The following SCFD2 variants were observed in gnomAD, a reference collection of about 807,000 sequenced individuals.
SCFD2 encodes the protein sec1 family domain containing 2.
Under a neutral mutation model 58.9 loss-of-function variants are expected in SCFD2, and 54 were observed. The ratio of observed to expected loss-of-function variants is 0.92; its 90% CI spans 0.74 to 1.15. The LOEUF (loss-of-function observed/expected upper bound fraction) is 1.15, where lower values mean the gene tolerates loss of function less well. Ranked by LOEUF, SCFD2 falls within the 50% of genes most tolerant of loss-of-function variation. SCFD2 has a pLI of 0.00. For synonymous variants in SCFD2, 321 were observed against 335.9 expected (o/e 0.96, Z 0.49); for missense variants, 805 against 836.6 (o/e 0.96, Z 0.47).
chr4:53,055,547 A>T (rs1344974655), intron 5 of SCFD2, among the ~76,000 whole-genome samples: 1 of 152,174 alleles, frequency 6.6e-6, no homozygotes, highest in Non-Finnish European at 1.5e-5. Context: ...TAAGGTATTC[A>T]TCCCAGCACT....
intron 1 of SCFD2, among the ~76,000 whole-genome samples, chr4:53,360,050 A>G (rs1734507905): frequency 1.3e-5 from 2 of 152,200 alleles, no homozygotes; most frequent in Admixed American, 6.5e-5. Context: ...GGACAACAGT[A>G]TTTGGTGACT....
chr4:53,052,171 C>G (rs1723205867), intron 5 of SCFD2, among the ~76,000 whole-genome samples: 1 of 147,090 alleles, frequency 6.8e-6, no homozygotes, highest in Non-Finnish European at 1.5e-5. Context: ...AGGTCACTAC[C>G]CACAACTCAA....
chr4:53,056,666 C>A (rs1452548053), intron 5 of SCFD2, among the ~76,000 whole-genome samples: 1 of 152,058 alleles, frequency 6.6e-6, no homozygotes, highest in Non-Finnish European at 1.5e-5. Flanking sequence ...TTGTACATTT[C>A]TTTCTAATTG....
chr4:53,167,760 G>C (rs1397504270), intron 4 of SCFD2, among the ~76,000 whole-genome samples: 1 of 81,758 alleles, frequency 1.2e-5, no homozygotes, highest in Non-Finnish European at 2.5e-5. Context: ...GAGGAAAGAG[G>C]AGAGTTCTTT....
intron 4 of SCFD2, among the ~76,000 whole-genome samples, chr4:53,216,390 C>G (rs564177015): frequency 0.016 from 2,501 of 152,118 alleles, 35 homozygotes; most frequent in Non-Finnish European, 0.024. Flanking sequence ...TGTATGTGTC[C>G]AGGAATTTAT....
chr4:53,142,437 T>C (rs911722720), intron 5 of SCFD2, among the ~76,000 whole-genome samples: 1 of 152,198 alleles, frequency 6.6e-6, no homozygotes, highest in Non-Finnish European at 1.5e-5. Context: ...ATACAATAAA[T>C]TTTGCCACTC....
chr4:53,207,728 C>T (rs1449158598), intron 4 of SCFD2, among the ~76,000 whole-genome samples: 1 of 131,842 alleles, frequency 7.6e-6, no homozygotes, highest in Non-Finnish European at 1.6e-5. Context: ...AGTGAGTTGT[C>T]AGGAGATTTG....
chr4:53,127,862 G>A (rs1725673577), intron 5 of SCFD2, among the ~76,000 whole-genome samples: 1 of 151,876 alleles, frequency 6.6e-6, no homozygotes, highest in African/African-American at 2.4e-5. Flanking sequence ...TCCAGACAGA[G>A]AGGACACGGT....
At chr4:53,145,089 G>T (rs1726284675) in intron 5 of SCFD2, among the ~76,000 whole-genome samples, 2 of 152,158 alleles carry the variant, frequency 1.3e-5, no homozygotes, top group Admixed American at 1.3e-4. Flanking sequence ...AATGCCTGAT[G>T]ATGTGAGGTG....
intron 5 of SCFD2, among the ~76,000 whole-genome samples, chr4:53,042,352 T>C (rs1722921595): frequency 6.6e-6 from 1 of 152,064 alleles, no homozygotes; most frequent in African/African-American, 2.4e-5. Flanking sequence ...TATATATATA[T>C]ATCATCAAAA....
chr4:53,219,352 C>G (rs1728974292), intron 4 of SCFD2, among the ~76,000 whole-genome samples: 1 of 152,220 alleles, frequency 6.6e-6, no homozygotes, highest in Non-Finnish European at 1.5e-5. Flanking sequence ...GCCCCTCCCC[C>G]AGCCTCGCTG....
chr4:53,064,674 C>G (rs1431087091), intron 5 of SCFD2, among the ~76,000 whole-genome samples: 1 of 152,072 alleles, frequency 6.6e-6, no homozygotes, highest in Non-Finnish European at 1.5e-5. Flanking sequence ...CAGAGGTACC[C>G]TAAGGCAAAT....
At chr4:53,152,294 T>C (rs1188003824) in intron 4 of SCFD2, among the ~76,000 whole-genome samples, 1 of 151,648 alleles carries the variant, frequency 6.6e-6, no homozygotes, top group East Asian at 1.9e-4. Flanking sequence ...GCATCATTAA[T>C]CAACAGGAAA....
chr4:53,224,786 C>G (rs1729152110), intron 4 of SCFD2, among the ~76,000 whole-genome samples: 1 of 151,230 alleles, frequency 6.6e-6, no homozygotes, highest in African/African-American at 2.5e-5. Context: ...ACTTAGAAAA[C>G]TATGATAATA....
chr4:53,060,691 T>C (rs977659553), intron 5 of SCFD2, among the ~76,000 whole-genome samples: 2 of 152,080 alleles, frequency 1.3e-5, no homozygotes, highest in Admixed American at 1.3e-4. Context: ...TAGAGAACAA[T>C]GCCACTCATT....
intron 4 of SCFD2, among the ~76,000 whole-genome samples, chr4:53,255,649 T>G (rs1160088072): frequency 6.6e-6 from 1 of 152,236 alleles, no homozygotes; most frequent in Non-Finnish European, 1.5e-5. Flanking sequence ...GATTTCTCAA[T>G]CTTTTCCCCA....
At chr4:53,240,633 C>T (rs1450730491) in intron 4 of SCFD2, among the ~76,000 whole-genome samples, 2 of 152,216 alleles carry the variant, frequency 1.3e-5, no homozygotes, top group African/African-American at 4.8e-5. Flanking sequence ...TTCAAAACAA[C>T]TTCTGATTAC....
chr4:53,211,997 C>T (rs12108246), intron 4 of SCFD2, among the ~76,000 whole-genome samples: 22,814 of 151,982 alleles, frequency 0.15, 2,078 homozygotes, highest in East Asian at 0.24. Flanking sequence ...CTTAACAAGG[C>T]TAATTTCTGC....
chr4:52,947,968 CA>C (rs34494471), intron 5 of SCFD2, among the ~76,000 whole-genome samples: 3,982 of 35,196 alleles, frequency 0.11, 100 homozygotes, highest in African/African-American at 0.17. Context: ...AAAAATAGGC[CA>C]AAAAAAAAAA....
Sources: gnomAD v4.1 joint callset for allele counts (sites outside exome capture counted in the v4.1 genomes callset) on GRCh38, gnomAD v4.1.1 for gene constraint, MANE v1.5 for transcripts, NCBI Gene and HGNC (gene_info 2026-07-23, HGNC 2026-07-21) for gene names.